FHAD1: variants seen among roughly 807,000 people sequenced by gnomAD.
FHAD1 encodes the protein forkhead-associated domain-containing protein 1.
Under a neutral mutation model 191.3 loss-of-function variants are expected in FHAD1, and 146 were observed. The ratio of observed to expected loss-of-function variants is 0.76; its 90% CI spans 0.67 to 0.88. The LOEUF (loss-of-function observed/expected upper bound fraction) is 0.88, where lower values mean the gene tolerates loss of function less well. FHAD1 is among the 40% of genes least tolerant of loss of function. The pLI is 0.00. For synonymous variants in FHAD1, 616 were observed against 672.3 expected, an observed-to-expected ratio of 0.92 and a Z score of 1.29; for missense variants, 1,635 against 1,785.8, an observed-to-expected ratio of 0.92 and a Z score of 1.52.
In FHAD1 at chr1:15,291,011, G is replaced by A. The variant is rs555509576; in HGVS notation, c.568+1345G>A. ...TTACAGACATGAGCCACTGCGCCCA[G>A]CCTTAATATGAACATTTTTTAAACA... On this transcript the variant is annotated intron_variant, in intron 4 of 33. Coordinates refer to ENST00000688493, the MANE Select transcript of FHAD1 (RefSeq NM_001391957.1). Among the ~76,000 whole-genome samples the A allele has an allele frequency of 3.3e-5, 5 of 151,890 alleles. No individual in the cohort carries two copies. In the East Asian group the frequency reaches 9.7e-4, roughly 29 times the overall value.
At chr1:15,258,346 G>A (rs1053830460) in intron 2 of FHAD1, among the ~76,000 whole-genome samples, 3 of 152,104 alleles carry the variant, frequency 2.0e-5, no homozygotes, top group African/African-American at 7.2e-5. Context: ...ACGCTGAATC[G>A]TATAGTACGT....
intron 8 of FHAD1, among the ~76,000 whole-genome samples, chr1:15,315,581 G>A (rs1674153271): frequency 6.6e-6 from 1 of 151,272 alleles, no homozygotes; most frequent in Non-Finnish European, 1.5e-5. Flanking sequence ...TGCCTCCCGG[G>A]TTCACGCCAT....
chr1:15,243,515 T>C (rs1645644314), upstream of FHAD1, among the ~76,000 whole-genome samples: 1 of 152,204 alleles, frequency 6.6e-6, no homozygotes, highest in Non-Finnish European at 1.5e-5. Flanking sequence ...CATTTCATGT[T>C]GGAATGCAAG....
intron 16 of FHAD1, among the ~76,000 whole-genome samples, chr1:15,342,276 G>A (rs976830469): frequency 5.3e-5 from 8 of 152,080 alleles, no homozygotes; most frequent in African/African-American, 1.7e-4. Flanking sequence ...TATACATATC[G>A]GGGGAAACAA....
At chr1:15,252,024 G>A (rs980430688) in intron 2 of FHAD1, 147 bp downstream of exon 2, 2 of 692,918 alleles carry the variant, frequency 2.9e-6, no homozygotes, top group Non-Finnish European at 2.5e-6. Flanking sequence ...GCTACCAATA[G>A]CCAGTTGCCA....
intron 12 of FHAD1, 22 bp from the exon 13 acceptor site, chr1:15,328,255 T>TTA: frequency 1.4e-6 from 2 of 1,458,594 alleles, no homozygotes; most frequent in Non-Finnish European, 1.8e-6. Context: ...TTTTTTTTTT[T>TTA]CCTTTTTCTT....
chr1:15,393,430 G>GCACACACACACACACACA (rs57536175), intron 33 of FHAD1, among the ~76,000 whole-genome samples: 1 of 146,742 alleles, frequency 6.8e-6, no homozygotes, highest in African/African-American at 2.5e-5. Flanking sequence ...ACACACACAC[G>GCACACACACACACACACA]CACACACACA....
At chr1:15,242,407 C>A (rs1645495319), upstream of FHAD1, among the ~76,000 whole-genome samples, 1 of 152,112 alleles carries the variant, frequency 6.6e-6, no homozygotes, top group South Asian at 2.1e-4. Context: ...CTAAATAAAA[C>A]TGTGCATGAC....
At chr1:15,359,161 C>A (rs1005256724) in intron 21 of FHAD1, among the ~76,000 whole-genome samples, 3 of 152,000 alleles carry the variant, frequency 2.0e-5, no homozygotes, top group Non-Finnish European at 4.4e-5. Context: ...CTTGGAGCGA[C>A]CCTCTTTTGG....
chr1:15,293,936 A>G (rs1200045668), intron 4 of FHAD1, among the ~76,000 whole-genome samples: 1 of 152,110 alleles, frequency 6.6e-6, no homozygotes, highest in Non-Finnish European at 1.5e-5. Flanking sequence ...GAACGGTCCT[A>G]AGGCTTTGAG....
At chr1:15,267,892 A>G (rs1189881504) in intron 2 of FHAD1, among the ~76,000 whole-genome samples, 2 of 147,780 alleles carry the variant, frequency 1.4e-5, no homozygotes, top group Non-Finnish European at 3.0e-5. Context: ...TATTGATATG[A>G]TATAAAAATA....
At chr1:15,286,097 T>C (rs961631908) in intron 3 of FHAD1, among the ~76,000 whole-genome samples, 13 of 152,328 alleles carry the variant, frequency 8.5e-5, no homozygotes, top group African/African-American at 3.1e-4. Context: ...TTTTGCAAGA[T>C]GAAAAAGTTC....
intron 2 of FHAD1, among the ~76,000 whole-genome samples, chr1:15,260,502 G>A (rs192740263): frequency 9.2e-5 from 14 of 152,280 alleles, no homozygotes; most frequent in Admixed American, 2.6e-4. Flanking sequence ...AGTGTTGGCC[G>A]CCTGGGCTCT....
chr1:15,386,849 C>CTTTTTTTTTTT (rs59453670), intron 31 of FHAD1, among the ~76,000 whole-genome samples: 28 of 144,204 alleles, frequency 1.9e-4, no homozygotes, highest in African/African-American at 6.8e-4. Flanking sequence ...TCCTTTCTTT[C>CTTTTTTTTTTT]TTTTTTTTTT....
chr1:15,261,808 G>T (rs1651195370), intron 2 of FHAD1, among the ~76,000 whole-genome samples: 1 of 152,198 alleles, frequency 6.6e-6, no homozygotes, highest in African/African-American at 2.4e-5. Flanking sequence ...AGGGGTCACA[G>T]TGGGGGCGCA....
At chr1:15,358,327 G>A (rs1445485296) in intron 21 of FHAD1, 44 bp downstream of exon 21, 1 of 1,505,778 alleles carries the variant, frequency 6.6e-7, no homozygotes, top group Non-Finnish European at 8.9e-7. Flanking sequence ...TTCTCTCAAT[G>A]GAAGATTACA....
At chr1:15,238,249 G>GGAA (rs1644993895) in intron 1 of FHAD1, among the ~76,000 whole-genome samples, 1 of 8,024 alleles carries the variant, frequency 1.2e-4, no homozygotes, top group Non-Finnish European at 1.8e-4. Context: ...TCCATCTCAA[G>GGAA]GAAAAAAAAA....
intron 2 of FHAD1, among the ~76,000 whole-genome samples, chr1:15,260,173 G>T (rs1437596421): frequency 6.6e-6 from 1 of 152,202 alleles, no homozygotes; most frequent in East Asian, 1.9e-4. Context: ...GGGTGGTCAA[G>T]AGCATGAACT....
chr1:15,338,861 A>G (rs1685351522), intron 14 of FHAD1, among the ~76,000 whole-genome samples: 1 of 152,040 alleles, frequency 6.6e-6, no homozygotes, highest in Non-Finnish European at 1.5e-5. Context: ...ACTGAACTGT[A>G]AGCCCCTGGA....
Sources: allele counts gnomAD v4.1 joint callset (sites outside exome capture counted in the v4.1 genomes callset), GRCh38; gene constraint gnomAD v4.1.1; transcripts MANE v1.5; gene names NCBI Gene and HGNC (gene_info 2026-07-23, HGNC 2026-07-21).